GNAO1: variants seen among roughly 807,000 people sequenced by gnomAD.
GNAO1 encodes guanine nucleotide-binding protein G(o) subunit alpha.
For missense variants in GNAO1, 166 were observed against 478.7 expected, an observed-to-expected ratio of 0.35 and a Z score of 6.10; for synonymous variants, 164 against 180.7, an observed-to-expected ratio of 0.91 and a Z score of 0.74.
At chr16:56,345,011 C>G (rs1241133972) in intron 6 of GNAO1, 1 of 985,352 alleles carries the variant, frequency 1.0e-6, no homozygotes, top group African/African-American at 1.7e-5. Flanking sequence ...GGGGATGGAG[C>G]TGACACCCTG....
chr16:56,236,902 G>A (rs778955412), intron 2 of GNAO1, among the ~76,000 whole-genome samples: 26 of 152,170 alleles, frequency 1.7e-4, no homozygotes, highest in Non-Finnish European at 3.1e-4. Flanking sequence ...GGAACGTGTA[G>A]GATTGTGCAT....
intron 6 of GNAO1, chr16:56,345,192 C>A (rs2037853605): frequency 2.0e-6 from 2 of 985,758 alleles, no homozygotes; most frequent in African/African-American, 3.5e-5. Context: ...GGGCAACCAA[C>A]ACACCTCTCC....
intron 2 of GNAO1, among the ~76,000 whole-genome samples, chr16:56,215,743 G>A (rs545720117): frequency 2.0e-5 from 3 of 152,276 alleles, no homozygotes; most frequent in Non-Finnish European, 4.4e-5. Context: ...TCATAAATTG[G>A]CTGTTAGGTG....
intron 3 of GNAO1, chr16:56,276,627 A>T (rs1407830843): frequency 1.3e-5 from 2 of 153,026 alleles, no homozygotes. Flanking sequence ...TGGGGGTAAC[A>T]TTTCCAGTCT....
At chr16:56,290,298 A>C (rs1251153441) in intron 3 of GNAO1, among the ~76,000 whole-genome samples, 1 of 152,148 alleles carries the variant, frequency 6.6e-6, no homozygotes, top group Non-Finnish European at 1.5e-5. Flanking sequence ...GTGCCCCCTG[A>C]CCCAACAAGG....
At chr16:56,220,619 C>T (rs1321787855) in intron 2 of GNAO1, among the ~76,000 whole-genome samples, 1 of 152,178 alleles carries the variant, frequency 6.6e-6, no homozygotes, top group Non-Finnish European at 1.5e-5. Context: ...GAATGTGCGT[C>T]CCCTACAAAA....
intron 3 of GNAO1, among the ~76,000 whole-genome samples, chr16:56,286,227 C>T (rs2037165328): frequency 6.6e-6 from 1 of 152,220 alleles, no homozygotes; most frequent in Non-Finnish European, 1.5e-5. Context: ...TCAGCTTCTG[C>T]TTTACTCAGC....
At chr16:56,282,713 G>A (rs1312652145) in intron 3 of GNAO1, among the ~76,000 whole-genome samples, 1 of 152,240 alleles carries the variant, frequency 6.6e-6, no homozygotes, top group Non-Finnish European at 1.5e-5. Context: ...GAAAGCAGAA[G>A]CTACAGGCAA....
intron 3 of GNAO1, among the ~76,000 whole-genome samples, chr16:56,286,441 T>A (rs1263490888): frequency 1.3e-5 from 2 of 151,410 alleles, no homozygotes; most frequent in African/African-American, 2.4e-5. Context: ...ATGTGGGGAG[T>A]GGGGGCTTGA....
chr16:56,230,301 C>T (rs1308213604), intron 2 of GNAO1, among the ~76,000 whole-genome samples: 8 of 152,144 alleles, frequency 5.3e-5, no homozygotes, highest in African/African-American at 1.7e-4. Flanking sequence ...TGCCATTCGC[C>T]CCCTGTGCAA....
chr16:56,356,226 C>T lies in GNAO1; in HGVS notation c.*152C>T, dbSNP rs1216803604. 2.6e-5 allele frequency: 4 copies of T among 152,570 alleles called. No individual in the cohort carries two copies. Among genetic ancestry groups the T allele is most frequent in the Non-Finnish European group, 5.9e-5 (4 of 68,042 alleles). 9.5% of individuals were successfully genotyped at this position (152,570 alleles called of 1,614,324 possible). On this transcript the variant is annotated 3_prime_UTR_variant, in exon 9 of 9. Coordinates refer to ENST00000262493, the MANE Select transcript of GNAO1 (RefSeq NM_020988.3). ...TAACCTACGACCCCAGAGTGACTGA[C>T]GGCTGTGTATTTCTGTAGAATGCTG...
At position 56,229,179 on chromosome 16, in the gene GNAO1, C is replaced by T. The variant is rs190804822; in HGVS notation, c.161+36563C>T. On this transcript the variant is annotated intron_variant, in intron 2 of 8. Coordinates refer to ENST00000262493, the MANE Select transcript of GNAO1 (RefSeq NM_020988.3). ...TTGAGGAATATCTGCTTTGTATAGC[C>T]GACACCATTGCTGTTTTTGTTTTTT... Among the ~76,000 whole-genome samples the T allele has an allele frequency of 2.2e-4, 34 of 152,094 alleles. No homozygotes were observed. In the East Asian group the frequency reaches 4.8e-3, roughly 22 times the overall value.
chr16:56,283,776 G>C (rs1156915223), intron 3 of GNAO1, among the ~76,000 whole-genome samples: 1 of 152,174 alleles, frequency 6.6e-6, no homozygotes, highest in African/African-American at 2.4e-5. Flanking sequence ...ATGTAGATGT[G>C]TCCCATGCTG....
At chr16:56,247,188 C>T (rs907612966) in intron 2 of GNAO1, among the ~76,000 whole-genome samples, 22 of 152,214 alleles carry the variant, frequency 1.4e-4, no homozygotes, top group Admixed American at 5.9e-4. Flanking sequence ...GGGCTGGCGC[C>T]GGCCATCCAG....
chr16:56,264,753 T>C (rs1476154432), intron 2 of GNAO1, among the ~76,000 whole-genome samples: 15 of 148,654 alleles, frequency 1.0e-4, no homozygotes, highest in African/African-American at 3.7e-4. Flanking sequence ...TTAAATATAG[T>C]ATTTTAATAT....
intron 6 of GNAO1, chr16:56,345,567 G>C (rs1282947345): frequency 1.0e-6 from 1 of 985,358 alleles, no homozygotes; most frequent in Non-Finnish European, 1.2e-6. Context: ...CCGGTGCCTG[G>C]GGAGCCTCTG....
chr16:56,332,257 G>A (rs570578222), intron 4 of GNAO1, among the ~76,000 whole-genome samples: 4 of 152,196 alleles, frequency 2.6e-5, no homozygotes, highest in Non-Finnish European at 4.4e-5. Context: ...TGCCCCAGCC[G>A]GACTCTGGCC....
intron 2 of GNAO1, among the ~76,000 whole-genome samples, chr16:56,216,154 GT>G (rs1390067156): frequency 1.3e-5 from 2 of 152,166 alleles, no homozygotes; most frequent in Non-Finnish European, 2.9e-5. Context: ...CATCATCTTG[GT>G]TTAGGCAGTG....
intron 2 of GNAO1, chr16:56,235,478 C>G: frequency 2.2e-6 from 1 of 452,002 alleles, no homozygotes; most frequent in Non-Finnish European, 4.4e-6. Context: ...CTACCATTTC[C>G]CTTTGGCTCC....
Sources: gnomAD v4.1 joint callset for allele counts (sites outside exome capture counted in the v4.1 genomes callset) on GRCh38, gnomAD v4.1.1 for gene constraint, MANE v1.5 for transcripts, NCBI Gene and HGNC (gene_info 2026-07-23, HGNC 2026-07-21) for gene names.